The following RALGPS1 variants were observed in gnomAD, a reference collection of about 807,000 sequenced individuals.
The protein encoded by RALGPS1 is ras-specific guanine nucleotide-releasing factor RalGPS1.
RALGPS1 carries 19 observed loss-of-function variants against 78.8 expected under a neutral mutation model. The observed-to-expected ratio is 0.24, with a 90% CI of 0.17 to 0.35. RALGPS1 has a LOEUF of 0.35. RALGPS1 is among the 10% of genes least tolerant of loss of function. The pLI is 1.00. For synonymous variants in RALGPS1, 228 were observed against 256.3 expected (o/e 0.89, Z 1.06); for missense variants, 454 against 688.3 (o/e 0.66, Z 3.81).
intron 4 of RALGPS1, among the ~76,000 whole-genome samples, chr9:127,033,386 G>A (rs1029221273): frequency 6.6e-6 from 1 of 152,084 alleles, no homozygotes; most frequent in African/African-American, 2.4e-5. Context: ...GACTGCTAGT[G>A]GCCAGTTTTG....
chr9:127,108,190 T>C (rs1405304993), intron 8 of RALGPS1: 2 of 1,613,988 alleles, frequency 1.2e-6, no homozygotes, highest in Admixed American at 3.3e-5. Flanking sequence ...CTGGTACTTG[T>C]GCTCCAGGTC....
intron 4 of RALGPS1, chr9:126,990,056 T>TC: frequency 6.5e-7 from 1 of 1,539,696 alleles, no homozygotes; most frequent in African/African-American, 1.4e-5. Context: ...AAGCGGGCGT[T>TC]CCAGAAAGCC....
intron 4 of RALGPS1, among the ~76,000 whole-genome samples, chr9:127,025,074 T>A (rs2045851375): frequency 6.6e-6 from 1 of 152,226 alleles, no homozygotes; most frequent in Admixed American, 6.5e-5. Context: ...CTGTTCCCAG[T>A]CCTTGGCAAC....
chr9:127,177,344 T>G (rs900910239), intron 11 of RALGPS1, among the ~76,000 whole-genome samples: 3 of 152,172 alleles, frequency 2.0e-5, no homozygotes, highest in Admixed American at 6.5e-5. Flanking sequence ...GCCTCCACCC[T>G]TCACCTCCAG....
intron 4 of RALGPS1, among the ~76,000 whole-genome samples, chr9:126,993,776 C>A (rs536046121): frequency 2.6e-5 from 4 of 152,072 alleles, no homozygotes; most frequent in African/African-American, 4.8e-5. Context: ...GGGAGGCACC[C>A]CCAGTAGGGG....
chr9:127,095,278 A>G (rs1191024898), intron 8 of RALGPS1, among the ~76,000 whole-genome samples: 1 of 152,108 alleles, frequency 6.6e-6, no homozygotes, highest in Non-Finnish European at 1.5e-5. Context: ...CGCACCTGTG[A>G]TCCCAGCTAC....
intron 1 of RALGPS1, among the ~76,000 whole-genome samples, chr9:126,929,759 C>G (rs116328593): frequency 0.014 from 2,078 of 152,122 alleles, 56 homozygotes; most frequent in African/African-American, 0.047. Context: ...CCACTGTGCC[C>G]GACTGATACA....
intron 8 of RALGPS1, among the ~76,000 whole-genome samples, chr9:127,076,542 A>G (rs1253206059): frequency 6.6e-6 from 1 of 152,230 alleles, no homozygotes; most frequent in African/African-American, 2.4e-5. Flanking sequence ...GTAAGACTTT[A>G]TTTGCAAATA....
At chr9:126,965,988 C>G (rs1456636860) in intron 3 of RALGPS1, 37 bp downstream of exon 3, 1 of 1,486,270 alleles carries the variant, frequency 6.7e-7, no homozygotes, top group African/African-American at 1.4e-5. Context: ...GGCTGGGCAC[C>G]ACAGCAGGGC....
intron 7 of RALGPS1, among the ~76,000 whole-genome samples, chr9:127,059,731 C>G: frequency 6.6e-6 from 1 of 151,992 alleles, no homozygotes. Flanking sequence ...CTGTCTGCTG[C>G]ATAGATCCCT....
At chr9:127,207,721 C>T (rs978109126) in intron 14 of RALGPS1, among the ~76,000 whole-genome samples, 3 of 152,112 alleles carry the variant, frequency 2.0e-5, no homozygotes, top group Non-Finnish European at 1.5e-5. Flanking sequence ...CTGCCCAGCA[C>T]GGTCCTCCTC....
At chr9:126,927,664 C>T (rs1381646377) in intron 1 of RALGPS1, among the ~76,000 whole-genome samples, 1 of 152,164 alleles carries the variant, frequency 6.6e-6, no homozygotes, top group Non-Finnish European at 1.5e-5. Context: ...CTCCCAGCAA[C>T]CTTCTCAAGC....
intron 17 of RALGPS1, chr9:127,214,045 G>T (rs1425030103): frequency 6.6e-6 from 1 of 152,206 alleles, no homozygotes; most frequent in Non-Finnish European, 1.5e-5. Context: ...CACACATGTG[G>T]CAGTGTGTCC....
At chr9:127,012,359 T>G (rs1448678942) in intron 4 of RALGPS1, among the ~76,000 whole-genome samples, 1 of 152,196 alleles carries the variant, frequency 6.6e-6, no homozygotes, top group Non-Finnish European at 1.5e-5. Context: ...GATACTTCCC[T>G]GGGCAGCAGA....
At chr9:127,108,729 C>T in intron 8 of RALGPS1, 2 of 1,597,974 alleles carry the variant, frequency 1.3e-6, no homozygotes, top group Non-Finnish European at 1.7e-6. Context: ...ACAGTGGCCT[C>T]ATGGTCCTTG....
At chr9:127,096,654 A>C (rs2053175050) in intron 8 of RALGPS1, among the ~76,000 whole-genome samples, 1 of 152,106 alleles carries the variant, frequency 6.6e-6, no homozygotes, top group South Asian at 2.1e-4. Context: ...AGTGTTTTTA[A>C]ATGTTTTGGG....
At chr9:127,202,035 C>T (rs962651521) in intron 14 of RALGPS1, among the ~76,000 whole-genome samples, 2 of 152,150 alleles carry the variant, frequency 1.3e-5, no homozygotes, top group Non-Finnish European at 1.5e-5. Context: ...GACAGCATTT[C>T]GCCCCACAGC....
chr9:126,982,062 C>T (rs776348463), intron 4 of RALGPS1, among the ~76,000 whole-genome samples: 6 of 152,212 alleles, frequency 3.9e-5, no homozygotes, highest in African/African-American at 9.7e-5. Context: ...CATGGCATGG[C>T]AGTTGACTTC....
chr9:127,046,135 A>T (rs75193415), intron 5 of RALGPS1, among the ~76,000 whole-genome samples: 474 of 152,354 alleles, frequency 3.1e-3, no homozygotes, highest in Non-Finnish European at 6.0e-3. Context: ...ATAGTATTGG[A>T]TTGTAACCCA....
Sources: allele counts gnomAD v4.1 joint callset (sites outside exome capture counted in the v4.1 genomes callset), GRCh38; gene constraint gnomAD v4.1.1; transcripts MANE v1.5; gene names NCBI Gene and HGNC (gene_info 2026-07-23, HGNC 2026-07-21).